KCNQ1: variants seen among roughly 807,000 people sequenced by gnomAD.
KCNQ1 encodes the protein potassium voltage-gated channel subfamily Q member 1, also known as potassium voltage-gated channel subfamily KQT member 1.
KCNQ1 carries 49 observed loss-of-function variants against 72.4 expected under a neutral mutation model. The ratio of observed to expected loss-of-function variants is 0.68; its 90% CI spans 0.54 to 0.86. KCNQ1 has a LOEUF of 0.86. Ranked by LOEUF, KCNQ1 falls within the 40% of genes least tolerant of loss-of-function variation. The pLI, the probability that KCNQ1 is intolerant of heterozygous loss-of-function variation, is 0.00. For missense variants in KCNQ1, 790 were observed against 945.1 expected, an observed-to-expected ratio of 0.84 and a Z score of 2.15; for synonymous variants, 450 against 412.6, an observed-to-expected ratio of 1.09 and a Z score of -1.10.
chr11:2,817,279 T>A lies in KCNQ1; in HGVS notation c.1795-30488T>A, dbSNP rs947734153. 2.0e-5 allele frequency among the ~76,000 whole-genome samples: 3 copies of A among 152,150 alleles called. No homozygotes were observed. The highest frequency in any genetic ancestry group is 4.4e-5 in the Non-Finnish European group (3 of 68,014). Reference sequence around the variant, plus strand: ...GCATTTTTGTGGTTGCAGTCAGATGTTTTTAACTACGTTGGACAGAACCCA... The same window carrying A: ...GCATTTTTGTGGTTGCAGTCAGATGATTTTAACTACGTTGGACAGAACCCA... On this transcript the variant is annotated intron_variant, in intron 15 of 15. Transcript: ENST00000155840. This position sits in a 1 kb window ranked among gnomAD's most constrained non-coding sequence, Gnocchi z 6.1.
At position 2,603,934 on chromosome 11, in the gene KCNQ1, G is replaced by A. The variant is rs1022768493; in HGVS notation, c.1393+15080G>A. Among the ~76,000 whole-genome samples, 11 of 151,836 alleles carry A rather than the reference G, an allele frequency of 7.2e-5. No individual in the cohort carries two copies. Among genetic ancestry groups the A allele is most frequent in the Non-Finnish European group, 1.2e-4 (8 of 67,956 alleles). On this transcript the variant is annotated intron_variant, in intron 10 of 15. Coordinates refer to ENST00000155840, the MANE Select transcript of KCNQ1 (RefSeq NM_000218.3). This position sits in a 1 kb window ranked among gnomAD's most constrained non-coding sequence, Gnocchi z 4.1. ...TCGAACTCCTGACCTCAGGTGATCC[G>A]CCCACCTCGGCCTCCTAACCTGCTG...
intron 1 of KCNQ1, among the ~76,000 whole-genome samples, chr11:2,454,702 A>G (rs578084047): frequency 6.6e-6 from 1 of 152,228 alleles, no homozygotes; most frequent in African/African-American, 2.4e-5. Flanking sequence ...GTAGAAAAAA[A>G]CTTTTGATAA....
intron 1 of KCNQ1, among the ~76,000 whole-genome samples, chr11:2,496,838 T>C (rs1444633560): frequency 2.7e-5 from 4 of 150,760 alleles, no homozygotes; most frequent in African/African-American, 7.3e-5. Flanking sequence ...TTCCTTTCCA[T>C]GTTTAGTGCT....
At chr11:2,572,153 G>A in intron 5 of KCNQ1, 44 bp downstream of exon 5, 1 of 1,447,578 alleles carries the variant, frequency 6.9e-7, no homozygotes, top group Non-Finnish European at 9.6e-7. Flanking sequence ...GTTGGGGACA[G>A]GACGGAGGGA....
At position 2,710,625 on chromosome 11, in the gene KCNQ1, T is replaced by TTAAA. The variant is rs1850986841; in HGVS notation, c.1514+48544_1514+48545insTAAA. ...TATAGTTTTGGCTCTTACACTTAGG[T>TTAAA]CTTTCATCCGCTTTCAGTTAGTTTA... is the stretch of plus-strand genomic sequence containing the variant. On this transcript the variant is annotated intron_variant, in intron 11 of 15. Transcript: ENST00000155840. The surrounding 1 kb of genome is among the most constrained non-coding windows in gnomAD (Gnocchi z 4.1). Among the ~76,000 whole-genome samples, 1 of 152,206 alleles carries TTAAA rather than the reference T, an allele frequency of 6.6e-6. No individual in the cohort carries two copies. The highest frequency in any genetic ancestry group is 1.9e-4 in the East Asian group (1 of 5,198).
chr11:2,586,624 G>A (rs1206225483), intron 8 of KCNQ1, among the ~76,000 whole-genome samples: 1 of 152,170 alleles, frequency 6.6e-6, no homozygotes, highest in Non-Finnish European at 1.5e-5. Flanking sequence ...TGCCAGGGTT[G>A]GGGGACCACG....
chr11:2,628,158 G>C (rs1849290617), intron 10 of KCNQ1: 1 of 398,484 alleles, frequency 2.5e-6, no homozygotes, highest in Non-Finnish European at 4.4e-6. Flanking sequence ...ACCCGGAACT[G>C]AGACTGCTGG....
intron 1 of KCNQ1, among the ~76,000 whole-genome samples, chr11:2,470,300 G>T (rs1182273965): frequency 6.6e-6 from 1 of 152,180 alleles, no homozygotes; most frequent in Non-Finnish European, 1.5e-5. Context: ...AGGTGCGTAG[G>T]AGGTTTCATT....
Position 2,481,224 on chromosome 11 carries a change from G to T in KCNQ1, c.386+35740G>T, listed in dbSNP as rs1332119428. On this transcript the variant is annotated intron_variant, in intron 1 of 15. Coordinates refer to ENST00000155840, the MANE Select transcript of KCNQ1 (RefSeq NM_000218.3). The surrounding 1 kb of genome is among the most constrained non-coding windows in gnomAD (Gnocchi z 4.6). ...ATGCTTTTAGTAGATCAGTTTTTCT[G>T]ATTGTAAAGTTCAGAAATGTTAATC... 1.3e-5 allele frequency among the ~76,000 whole-genome samples: 2 copies of T among 152,166 alleles called. No homozygotes were observed. Among genetic ancestry groups the T allele is most frequent in the Non-Finnish European group, 2.9e-5 (2 of 68,028 alleles).
At chr11:2,586,566 G>A (rs578040411) in intron 8 of KCNQ1, among the ~76,000 whole-genome samples, 6 of 152,282 alleles carry the variant, frequency 3.9e-5, no homozygotes, top group African/African-American at 1.2e-4. Flanking sequence ...TGGAGTAGGG[G>A]CCCCAGGTGG....
At chr11:2,693,890 G>A (rs557606457) in intron 11 of KCNQ1, 60 of 398,762 alleles carry the variant, frequency 1.5e-4, no homozygotes, top group African/African-American at 5.5e-4. Flanking sequence ...AACCCTACTC[G>A]TCCTCCTCCT....
chr11:2,488,169 A>G lies in KCNQ1; in HGVS notation c.387-39759A>G, dbSNP rs976586408. On this transcript the variant is annotated intron_variant, in intron 1 of 15. Coordinates refer to ENST00000155840, the MANE Select transcript of KCNQ1 (RefSeq NM_000218.3). This position sits in a 1 kb window ranked among gnomAD's most constrained non-coding sequence, Gnocchi z 5.1. The stretch of plus-strand genomic sequence containing the variant: ...TCTGTTAATATGCTCTTTTACATGG[A>G]TTTATTTTTGTATGTTGAACCATCC... Among the ~76,000 whole-genome samples the G allele has an allele frequency of 6.6e-6, 1 of 152,058 alleles. No individual in the cohort carries two copies. Among genetic ancestry groups the G allele is most frequent in the Non-Finnish European group, 1.5e-5 (1 of 67,990 alleles).
chr11:2,583,661 C>G, intron 7 of KCNQ1, 116 bp downstream of exon 7: 1 of 788,198 alleles, frequency 1.3e-6, no homozygotes, highest in South Asian at 1.4e-5. Context: ...GAGGGTGCTT[C>G]CCTTCTAGAA....
In KCNQ1 at chr11:2,620,345, T is replaced by C. The variant is rs934451681; in HGVS notation, c.1393+31491T>C. 4.5e-5 allele frequency: 9 copies of C among 201,230 alleles called. No homozygotes were observed. The highest frequency in any genetic ancestry group is 7.8e-5 in the Non-Finnish European group (8 of 102,262). 12.5% of individuals were successfully genotyped at this position (201,230 alleles called of 1,614,324 possible). A position where few individuals can be genotyped will look rare whatever the true frequency, so the allele number is the denominator to read the frequency against. On this transcript the variant is annotated intron_variant, in intron 10 of 15. Coordinates refer to ENST00000155840, the MANE Select transcript of KCNQ1 (RefSeq NM_000218.3). The surrounding 1 kb of genome is among the most constrained non-coding windows in gnomAD (Gnocchi z 4.5). ...GATTCTCCTGCCTCAGCCTCCTGAG[T>C]AGCTGGGATTAGAGGCATGCGCCAC...
intron 2 of KCNQ1, among the ~76,000 whole-genome samples, chr11:2,534,323 C>T (rs1437377818): frequency 6.6e-6 from 1 of 152,264 alleles, no homozygotes; most frequent in South Asian, 2.1e-4. Context: ...TGATGAGGAG[C>T]CTGCTCTGCG....
At chr11:2,807,502 A>G (rs1847404095) in intron 15 of KCNQ1, among the ~76,000 whole-genome samples, 1 of 152,172 alleles carries the variant, frequency 6.6e-6, no homozygotes, top group Non-Finnish European at 1.5e-5. Flanking sequence ...CTGAACAAAC[A>G]GTCCTGCTGA....
At chr11:2,520,480 A>C (rs1274327023) in intron 1 of KCNQ1, among the ~76,000 whole-genome samples, 1 of 152,104 alleles carries the variant, frequency 6.6e-6, no homozygotes, top group Non-Finnish European at 1.5e-5. Context: ...AACCCTGCTG[A>C]GGCTGCCTGC....
chr11:2,469,591 AT>A (rs1846411082), intron 1 of KCNQ1, among the ~76,000 whole-genome samples: 1 of 151,778 alleles, frequency 6.6e-6, no homozygotes. Flanking sequence ...ATGTTTCTAT[AT>A]TCTGGACCAA....
At position 2,772,208 on chromosome 11, in the gene KCNQ1, C is replaced by G. The variant is rs983887525; in HGVS notation, c.1590+3289C>G. Among the ~76,000 whole-genome samples, 1 of 151,938 alleles carries G rather than the reference C, an allele frequency of 6.6e-6. No individual in the cohort carries two copies. Among genetic ancestry groups the G allele is most frequent in the African/African-American group, 2.4e-5 (1 of 41,362 alleles). ...CTCTCAGGATGCTTCCCTTCCTCGA[C>G]GCCTGCCTGTCTGCTTGCTTGCACC... is the stretch of plus-strand genomic sequence containing the variant. On this transcript the variant is annotated intron_variant, in intron 12 of 15. Coordinates refer to ENST00000155840, the MANE Select transcript of KCNQ1 (RefSeq NM_000218.3). The surrounding 1 kb of genome is among the most constrained non-coding windows in gnomAD (Gnocchi z 6.6).
Sources: gnomAD v4.1 joint callset for allele counts (sites outside exome capture counted in the v4.1 genomes callset) on GRCh38, gnomAD v4.1.1 for gene constraint, Gnocchi (gnomAD v3.1) non-coding constraint, MANE v1.5 for transcripts, NCBI Gene and HGNC (gene_info 2026-07-23, HGNC 2026-07-21) for gene names.